Variants in ERMARD observed in about 807,000 individuals in gnomAD.
ERMARD encodes ER membrane associated RNA degradation, also known as endoplasmic reticulum membrane-associated RNA degradation protein.
In ERMARD, 71 loss-of-function variants were observed where a neutral mutation model predicts 83.9. That is an observed-to-expected ratio of 0.85 (90% CI 0.70 to 1.03). The LOEUF (loss-of-function observed/expected upper bound fraction) is 1.03. Ranked by LOEUF, ERMARD falls within the 50% of genes least tolerant of loss-of-function variation. The pLI is 0.00. For synonymous variants in ERMARD, 284 were observed against 298.6 expected (o/e 0.95, Z 0.50); for missense variants, 838 against 810.9 (o/e 1.03, Z -0.41).
chr6:169,769,673 T>C lies in ERMARD; in HGVS notation c.1193T>C (p.Leu398Pro). The C allele has an allele frequency of 2.5e-6, 4 of 1,611,074 alleles. No individual in the cohort carries two copies. The highest frequency in any genetic ancestry group is 3.4e-6 in the Non-Finnish European group (4 of 1,178,748). ...NQLLAFSLVL[L>P]LRFVDDCLLS... is the part of the protein sequence containing the mutation. ...TTGCTTGCATTTTCTCTTGTACTGC[T>C]ACTCAGATTCGTTGATGACTGTCTG... Residue 398 changes from leucine to proline, a missense_variant, in exon 12 of 18, where the codon CTA becomes CCA. By Grantham distance (98) the Leu-to-Pro change is moderately conservative. Transcript: ENST00000366773.
At chr6:169,777,271 G>A (rs1793713458) in intron 16 of ERMARD, among the ~76,000 whole-genome samples, 1 of 152,178 alleles carries the variant, frequency 6.6e-6, no homozygotes, top group African/African-American at 2.4e-5. Flanking sequence ...CCACACCTGG[G>A]AAGATCAGCT....
chr6:169,755,025 C>A (rs1790623679), intron 2 of ERMARD, among the ~76,000 whole-genome samples: 1 of 152,054 alleles, frequency 6.6e-6, no homozygotes, highest in African/African-American at 2.4e-5. Context: ...AAGACATTGA[C>A]AAAATAGTTT....
chr6:169,776,123 C>G (rs1167916997), intron 15 of ERMARD, 58 bp downstream of exon 15: 1 of 1,593,860 alleles, frequency 6.3e-7, no homozygotes, highest in African/African-American at 1.4e-5. Flanking sequence ...ATTAGCATAG[C>G]AAACTTAGCA....
chr6:169,779,397 C>A (rs1039835237), intron 17 of ERMARD, 102 bp downstream of exon 17: 1 of 988,596 alleles, frequency 1.0e-6, no homozygotes, highest in Non-Finnish European at 1.6e-6. Context: ...ACACTATCCC[C>A]TTGGTGGCCC....
rs777736512 is a variant in ERMARD at position 169,751,683 on chromosome 6, C to T, written c.6+20C>T. 12 of 1,548,138 alleles carry T rather than the reference C, an allele frequency of 7.8e-6. No individual in the cohort carries two copies. Among genetic ancestry groups the T allele is most frequent in the Admixed American group, 2.0e-5 (1 of 49,832 alleles). On this transcript the variant is annotated intron_variant, in intron 1 of 17. Transcript: ENST00000366773. The stretch of plus-strand genomic sequence containing the variant: ...ATGGAGGTAGGGCGGGTGTAGGGCC[C>T]GGTTCGATCCCGAGCTAGGCAGGGA...
At chr6:169,768,287 C>T in intron 11 of ERMARD, 116 bp downstream of exon 11, 1 of 869,810 alleles carries the variant, frequency 1.1e-6, no homozygotes. Context: ...ACTTCTGAAA[C>T]ATTGCTGTGC....
chr6:169,764,381 C>T (rs937902695), intron 9 of ERMARD, among the ~76,000 whole-genome samples: 5 of 151,712 alleles, frequency 3.3e-5, no homozygotes, highest in Admixed American at 6.6e-5. Context: ...CTCCCACCTC[C>T]GCCCCCCGAG....
rs149907871 is a variant in ERMARD at position 169,760,718 on chromosome 6, A to G, written c.819A>G (p.Pro273=). The change falls in exon 8 of 18, where the codon CCA becomes CCG. Residue 273 remains proline, a synonymous_variant. Coordinates refer to ENST00000366773, the MANE Select transcript of ERMARD (RefSeq NM_018341.3). ...KSAFILKIML[P]YWEVALVKFK... Reference sequence around the variant, plus strand: ...CTTTTATATTAAAAATCATGTTACCATATTGGGAAGTTGCACTGGTCAAGT... The same window carrying G: ...CTTTTATATTAAAAATCATGTTACCGTATTGGGAAGTTGCACTGGTCAAGT... The G allele has an allele frequency of 8.3e-4, 1,343 of 1,613,988 alleles. 14 individuals are homozygous for G. The African/African-American group carries it at 0.016, about 19-fold the overall frequency.
intron 5 of ERMARD, 93 bp from the exon 6 acceptor site, chr6:169,758,875 C>A: frequency 8.6e-7 from 1 of 1,160,526 alleles, no homozygotes; most frequent in Non-Finnish European, 1.3e-6. Flanking sequence ...TGTTGACTCT[C>A]AGTTAAAAAG....
At chr6:169,760,178 G>T (rs997137681) in intron 7 of ERMARD, among the ~76,000 whole-genome samples, 2 of 152,118 alleles carry the variant, frequency 1.3e-5, no homozygotes, top group Non-Finnish European at 2.9e-5. Flanking sequence ...GGGTTGTTGT[G>T]GGGGTCACAG....
At chr6:169,751,401 G>A (rs1381392714), upstream of ERMARD, 5 of 1,614,110 alleles carry the variant, frequency 3.1e-6, no homozygotes, top group Admixed American at 1.7e-5. Flanking sequence ...GCCTGCTGAG[G>A]GGTCTGGTTC....
At chr6:169,765,041 ATGTAGGCCAC>A in intron 9 of ERMARD, among the ~76,000 whole-genome samples, 1 of 152,346 alleles carries the variant, frequency 6.6e-6, no homozygotes, top group African/African-American at 2.4e-5. Context: ...AGTGCCTTCC[ATGTAGGCCAC>A]TCAGCGCGGT....
chr6:169,767,802 C>T, intron 10 of ERMARD: 1 of 382,402 alleles, frequency 2.6e-6, no homozygotes, highest in South Asian at 3.3e-5. Flanking sequence ...CATATAAACA[C>T]ACAAATGTAC....
At chr6:169,751,487 C>T (rs1790067185), upstream of ERMARD, 1 of 1,612,062 alleles carries the variant, frequency 6.2e-7, no homozygotes, top group Non-Finnish European at 8.5e-7. Flanking sequence ...ACGCCCACCG[C>T]CTCCCCTTCA....
chr6:169,779,084 G>C, intron 16 of ERMARD, 98 bp from the exon 17 acceptor site: 1 of 1,038,148 alleles, frequency 9.6e-7, no homozygotes. Context: ...GAGAAGTTGG[G>C]ACTTAAGGAT....
chr6:169,755,401 C>A lies in ERMARD; in HGVS notation c.294C>A (p.Phe98Leu), dbSNP rs781155619. The A allele has an allele frequency of 6.2e-7, 1 of 1,614,076 alleles. No homozygotes were observed. The highest frequency in any genetic ancestry group is 1.7e-5 in the Admixed American group (1 of 59,998). ...TTGAAATTCGATATGCACCGTGGTT[C>A]CAGTGGACAAGTTTTCCAGAGGTTT... ...GQFEIRYAPW[F>L]QWTSFPELFP... Residue 98 changes from phenylalanine (F) to leucine (L), a missense_variant, in exon 3 of 18, where the codon TTC becomes TTA. Transcript: ENST00000366773.
chr6:169,753,773 G>A (rs1790454825), intron 1 of ERMARD, 91 bp from the exon 2 acceptor site: 4 of 921,808 alleles, frequency 4.3e-6, no homozygotes, highest in African/African-American at 1.7e-5. Context: ...ATACCTGAGT[G>A]CATTCAGTTC....
chr6:169,775,345 A>G lies in ERMARD; in HGVS notation c.1393A>G (p.Arg465Gly). The G allele has an allele frequency of 6.2e-7, 1 of 1,614,066 alleles. No homozygotes were observed. The highest frequency in any genetic ancestry group is 8.5e-7 in the Non-Finnish European group (1 of 1,179,942). Reference sequence around the variant, plus strand: ...CGAAGAACTCACTCGGCAAGCCGTCAGGTGCGTGGCATCCTGGGGCCTGGC... The same window carrying G: ...CGAAGAACTCACTCGGCAAGCCGTCGGGTGCGTGGCATCCTGGGGCCTGGC... ...FPEELTRQAV[R>G]LEDNSETNAC... Residue 465 changes from arginine (R) to glycine (G), a missense_variant and splice_region_variant, in exon 14 of 18, where the codon AGA becomes GGA. Arg to Gly is a moderately radical substitution (Grantham distance 125, BLOSUM62 -2). Coordinates refer to ENST00000366773, the MANE Select transcript of ERMARD (RefSeq NM_018341.3).
At chr6:169,772,568 C>A (rs1793083620) in intron 12 of ERMARD, among the ~76,000 whole-genome samples, 1 of 151,888 alleles carries the variant, frequency 6.6e-6, no homozygotes, top group East Asian at 1.9e-4. Flanking sequence ...GAGTTCGAGA[C>A]CAGCATGGCC....
Sources: gnomAD v4.1 joint callset for allele counts (sites outside exome capture counted in the v4.1 genomes callset) on GRCh38, gnomAD v4.1.1 for gene constraint, MANE v1.5 for transcripts, NCBI Gene and HGNC (gene_info 2026-07-23, HGNC 2026-07-21) for gene names.